SETBP1: variants seen among roughly 807,000 people sequenced by gnomAD.
SETBP1 encodes the protein SET-binding protein.
Under a neutral mutation model 101.0 loss-of-function variants are expected in SETBP1, and 9 were observed. The ratio of observed to expected loss-of-function variants is 0.09; its 90% CI spans 0.05 to 0.16. The LOEUF (loss-of-function observed/expected upper bound fraction) is 0.16, where lower values mean the gene tolerates loss of function less well. SETBP1 is among the 10% of genes least tolerant of loss of function. The pLI is 1.00. For missense variants in SETBP1, 1,858 were observed against 2,033.8 expected, an observed-to-expected ratio of 0.91 and a Z score of 1.66; for synonymous variants, 818 against 788.5, an observed-to-expected ratio of 1.04 and a Z score of -0.63.
chr18:45,063,550 C>T lies in SETBP1; in HGVS notation c.4643C>T (p.Pro1548Leu). The T allele has an allele frequency of 2.0e-6, 3 of 1,495,504 alleles. No homozygotes were observed. The highest frequency in any genetic ancestry group is 1.3e-5 in the South Asian group (1 of 79,416). The allele number at this position is 1,495,504 out of a possible 1,614,324, so 92.6% of individuals were successfully genotyped here. A position where few individuals can be genotyped will look rare whatever the true frequency, so the allele number is the denominator to read the frequency against. The change falls in exon 6 of 6, where the codon CCC becomes CTC. Residue 1548 changes from proline (P) to leucine (L), a missense_variant. Pro to Leu is a moderately conservative substitution (Grantham distance 98, BLOSUM62 -3). Coordinates refer to ENST00000649279, the MANE Select transcript of SETBP1 (RefSeq NM_015559.3). ...LPPPPPLPKT[P>L]RGGKRKHKPQ... ...CCGCCACCCCCTCTACCCAAGACCC[C>T]CCGAGGCGGAAAGAGGAAACACAAA...
At chr18:44,811,598 T>G (rs2071863373) in intron 2 of SETBP1, among the ~76,000 whole-genome samples, 1 of 152,240 alleles carries the variant, frequency 6.6e-6, no homozygotes, top group African/African-American at 2.4e-5. Flanking sequence ...AGTGGAACTA[T>G]GACTGCTGAA....
At position 45,010,875 on chromosome 18, in the gene SETBP1, C is replaced by T. The variant is rs533779555; in HGVS notation, c.4001-27610C>T. 2.6e-5 allele frequency among the ~76,000 whole-genome samples: 4 copies of T among 152,306 alleles called. No homozygotes were observed. The East Asian group carries it at 7.7e-4, about 29-fold the overall frequency. On this transcript the variant is annotated intron_variant, in intron 4 of 5. Coordinates refer to ENST00000649279, the MANE Select transcript of SETBP1 (RefSeq NM_015559.3). ...AGTAATTTCTCGAGGTCATGGTTGT[C>T]ATAGCTGGTGCGGACTTATTCTGGA...
intron 3 of SETBP1, among the ~76,000 whole-genome samples, chr18:44,933,406 C>T (rs534951036): frequency 1.9e-4 from 29 of 152,352 alleles, no homozygotes; most frequent in Admixed American, 8.5e-4. Context: ...GTCAGGGACC[C>T]ACTTGTGGAG....
chr18:44,979,166 A>G (rs1295541427), intron 4 of SETBP1, among the ~76,000 whole-genome samples: 1 of 152,198 alleles, frequency 6.6e-6, no homozygotes, highest in African/African-American at 2.4e-5. Flanking sequence ...GAGGACTTCT[A>G]CGGGCTTTTT....
intron 3 of SETBP1, among the ~76,000 whole-genome samples, chr18:44,899,245 C>A (rs564470879): frequency 1.3e-5 from 2 of 152,172 alleles, no homozygotes; most frequent in Admixed American, 6.5e-5. Context: ...ATGATATTCT[C>A]TAAATATTCT....
At chr18:45,062,957 A>T in intron 5 of SETBP1, 122 bp from the exon 6 acceptor site, 2 of 1,272,026 alleles carry the variant, frequency 1.6e-6, no homozygotes, top group South Asian at 2.6e-5. Context: ...ACGGAGACAT[A>T]CCCATAGCAT....
intron 2 of SETBP1, among the ~76,000 whole-genome samples, chr18:44,752,989 A>G (rs1258768532): frequency 6.6e-6 from 1 of 152,236 alleles, no homozygotes; most frequent in Admixed American, 6.5e-5. Context: ...TCTCAAATCT[A>G]CAGATGAGGA....
chr18:44,887,747 G>C (rs2069681214), intron 3 of SETBP1, among the ~76,000 whole-genome samples: 1 of 152,070 alleles, frequency 6.6e-6, no homozygotes, highest in African/African-American at 2.4e-5. Flanking sequence ...ACAGACAACA[G>C]AAAAAGGCAG....
At chr18:44,973,363 G>A (rs2071912271) in intron 4 of SETBP1, among the ~76,000 whole-genome samples, 2 of 152,232 alleles carry the variant, frequency 1.3e-5, no homozygotes, top group Middle Eastern at 3.4e-3. Flanking sequence ...CTTCTGCCAG[G>A]CTTTGGTATC....
intron 3 of SETBP1, among the ~76,000 whole-genome samples, chr18:44,927,553 T>C (rs140113220): frequency 1.0e-3 from 153 of 152,330 alleles, no homozygotes; most frequent in African/African-American, 3.4e-3. Flanking sequence ...TTAAGGTATC[T>C]ATACTCCAGG....
intron 5 of SETBP1, among the ~76,000 whole-genome samples, chr18:45,059,614 T>C (rs1041920340): frequency 1.5e-4 from 23 of 152,300 alleles, no homozygotes; most frequent in African/African-American, 5.3e-4. Context: ...TCAAGGTAGT[T>C]AGTTCTAGAT....
At chr18:44,680,359 C>G (rs1304418580), upstream of SETBP1, 3 of 151,732 alleles carry the variant, frequency 2.0e-5, no homozygotes, top group Admixed American at 2.0e-4. Context: ...TCTGAGCGAG[C>G]GCCGGGGCCA....
intron 3 of SETBP1, among the ~76,000 whole-genome samples, chr18:44,941,603 C>T (rs1171562643): frequency 1.3e-5 from 2 of 151,978 alleles, no homozygotes; most frequent in Non-Finnish European, 2.9e-5. Context: ...TGATATTGCT[C>T]CATAGATCAG....
At chr18:44,786,347 A>G (rs1335877979) in intron 2 of SETBP1, among the ~76,000 whole-genome samples, 2 of 152,210 alleles carry the variant, frequency 1.3e-5, no homozygotes, top group African/African-American at 4.8e-5. Flanking sequence ...AACAGCCCAG[A>G]TTTAGTCCTA....
intron 2 of SETBP1, 42 bp from the exon 3 acceptor site, chr18:44,869,188 A>C (rs946021362): frequency 4.4e-6 from 7 of 1,593,358 alleles, no homozygotes; most frequent in Non-Finnish European, 6.0e-6. Context: ...CTGTATGCAA[A>C]CTGAAAAGTG....
At chr18:44,863,603 G>A (rs2069063634) in intron 2 of SETBP1, among the ~76,000 whole-genome samples, 1 of 152,202 alleles carries the variant, frequency 6.6e-6, no homozygotes, top group Non-Finnish European at 1.5e-5. Context: ...GGGAGAAAAA[G>A]ATTCATTTCC....
At chr18:45,002,948 A>C (rs1206247769) in intron 4 of SETBP1, among the ~76,000 whole-genome samples, 1 of 152,144 alleles carries the variant, frequency 6.6e-6, no homozygotes, top group Non-Finnish European at 1.5e-5. Flanking sequence ...GTTGGGGTGG[A>C]GGTGGGAGCT....
rs747252087 is a variant in SETBP1 at position 44,952,225 on chromosome 18, C to T, written c.2885C>T (p.Thr962Ile). 1 of 1,614,166 alleles carries T rather than the reference C, an allele frequency of 6.2e-7. No individual in the cohort carries two copies. The highest frequency in any genetic ancestry group is 8.5e-7 in the Non-Finnish European group (1 of 1,180,040). Residue 962 changes from threonine (T) to isoleucine (I), a missense_variant, in exon 4 of 6, where the codon ACC becomes ATC. Coordinates refer to ENST00000649279, the MANE Select transcript of SETBP1 (RefSeq NM_015559.3). Reference sequence around the variant, plus strand: ...CTGGCAGACCTGGAGGAGCTAATCACCAAGTTCCAAGTGTTCAGAATCTCC... The same window carrying T: ...CTGGCAGACCTGGAGGAGCTAATCATCAAGTTCCAAGTGTTCAGAATCTCC... ...QFLADLEELITKFQVFRISHR... is the reference protein window; with the variant it reads ...QFLADLEELIIKFQVFRISHR...
chr18:44,776,707 A>G (rs144484734), intron 2 of SETBP1, among the ~76,000 whole-genome samples: 1 of 152,322 alleles, frequency 6.6e-6, no homozygotes, highest in Non-Finnish European at 1.5e-5. Flanking sequence ...AATATAAAAC[A>G]CCTTAAATAA....
Sources: gnomAD v4.1 joint callset for allele counts (sites outside exome capture counted in the v4.1 genomes callset) on GRCh38, gnomAD v4.1.1 for gene constraint, MANE v1.5 for transcripts, NCBI Gene and HGNC (gene_info 2026-07-23, HGNC 2026-07-21) for gene names.